SUPT3H: variants seen among roughly 807,000 people sequenced by gnomAD.
The protein encoded by SUPT3H is transcription initiation protein SPT3 homolog.
A neutral mutation model predicts 44.3 loss-of-function variants in SUPT3H; 44 were observed. The observed-to-expected ratio is 0.99, with a 90% CI of 0.78 to 1.28. The LOEUF is 1.28. SUPT3H is among the 50% of genes most tolerant of loss of function. The probability of loss-of-function intolerance (pLI) is 0.00; values close to 1 mark genes in which losing one functional copy is unlikely to be tolerated. For missense variants in SUPT3H, 380 were observed against 387.1 expected, an observed-to-expected ratio of 0.98 and a Z score of 0.15; for synonymous variants, 124 against 125.6, an observed-to-expected ratio of 0.99 and a Z score of 0.09.
chr6:45,031,399 T>C (rs1411202722), intron 3 of SUPT3H, among the ~76,000 whole-genome samples: 1 of 152,188 alleles, frequency 6.6e-6, no homozygotes, highest in Non-Finnish European at 1.5e-5. Flanking sequence ...TGTCTGTACA[T>C]CACTAGAATC....
intron 3 of SUPT3H, among the ~76,000 whole-genome samples, chr6:45,045,298 A>C (rs1789206982): frequency 6.6e-6 from 1 of 152,162 alleles, no homozygotes; most frequent in Admixed American, 6.5e-5. Flanking sequence ...CTTCCTCCTC[A>C]GGAACTTCAT....
chr6:44,977,553 C>G (rs1283449978), intron 6 of SUPT3H, among the ~76,000 whole-genome samples: 1 of 152,014 alleles, frequency 6.6e-6, no homozygotes, highest in Non-Finnish European at 1.5e-5. Flanking sequence ...ACCTTGCCAC[C>G]CTACATGCAT....
intron 2 of SUPT3H, among the ~76,000 whole-genome samples, chr6:45,161,365 T>C (rs1808935264): frequency 1.3e-5 from 2 of 152,132 alleles, no homozygotes; most frequent in South Asian, 2.1e-4. Context: ...ACAGCCACAT[T>C]ATAAACTTTC....
At chr6:44,852,480 C>T (rs1773050189) in intron 10 of SUPT3H, among the ~76,000 whole-genome samples, 1 of 152,082 alleles carries the variant, frequency 6.6e-6, no homozygotes, top group Non-Finnish European at 1.5e-5. Context: ...GGTTCTAAGG[C>T]TATTGAAGGA....
At chr6:45,242,228 T>G (rs1257519971) in intron 2 of SUPT3H, among the ~76,000 whole-genome samples, 1 of 152,168 alleles carries the variant, frequency 6.6e-6, no homozygotes, top group Non-Finnish European at 1.5e-5. Flanking sequence ...GCCTTTCGTG[T>G]GTAGGTACTT....
At chr6:45,161,054 C>G (rs577525691) in intron 2 of SUPT3H, among the ~76,000 whole-genome samples, 5 of 152,138 alleles carry the variant, frequency 3.3e-5, no homozygotes, top group African/African-American at 9.6e-5. Context: ...CCCCAACACT[C>G]TCTCTTGCTT....
At chr6:44,980,494 C>T (rs950451312) in intron 6 of SUPT3H, among the ~76,000 whole-genome samples, 1 of 152,132 alleles carries the variant, frequency 6.6e-6, no homozygotes, top group Non-Finnish European at 1.5e-5. Flanking sequence ...ACAACTCAGT[C>T]GTGTGACCAA....
At chr6:44,936,565 C>T (rs138462704) in intron 9 of SUPT3H, among the ~76,000 whole-genome samples, 1 of 152,270 alleles carries the variant, frequency 6.6e-6, no homozygotes, top group East Asian at 1.9e-4. Flanking sequence ...ATTTAGCTCT[C>T]ACTTATAAGT....
intron 10 of SUPT3H, among the ~76,000 whole-genome samples, chr6:44,841,165 C>A (rs970984168): frequency 6.6e-6 from 1 of 152,102 alleles, no homozygotes; most frequent in African/African-American, 2.4e-5. Context: ...ATTACCTAGT[C>A]TCAGGTATTT....
intron 2 of SUPT3H, among the ~76,000 whole-genome samples, chr6:45,144,106 C>T (rs1270931443): frequency 6.6e-6 from 1 of 152,098 alleles, no homozygotes; most frequent in African/African-American, 2.4e-5. Flanking sequence ...CAGCTGAATT[C>T]TATCAGCCAT....
chr6:45,196,361 T>G (rs189346462), intron 2 of SUPT3H, among the ~76,000 whole-genome samples: 59 of 152,160 alleles, frequency 3.9e-4, no homozygotes, highest in Non-Finnish European at 1.5e-4. Flanking sequence ...GCTTCAGCAC[T>G]TTTTAAAGGA....
intron 11 of SUPT3H, among the ~76,000 whole-genome samples, chr6:44,818,057 T>C (rs560363663): frequency 6.6e-6 from 1 of 152,236 alleles, no homozygotes; most frequent in East Asian, 1.9e-4. Flanking sequence ...CATGACTTAG[T>C]ATAGAAGTCA....
chr6:45,287,737 C>T (rs1779555781), intron 2 of SUPT3H, among the ~76,000 whole-genome samples: 1 of 152,184 alleles, frequency 6.6e-6, no homozygotes. Flanking sequence ...GAACTCTACA[C>T]TTAAAAATAG....
chr6:45,335,662 C>T (rs1372017430), intron 2 of SUPT3H, among the ~76,000 whole-genome samples: 3 of 151,230 alleles, frequency 2.0e-5, no homozygotes, highest in East Asian at 3.9e-4. Flanking sequence ...TTCCATAAAG[C>T]TGATACCTGT....
intron 3 of SUPT3H, among the ~76,000 whole-genome samples, chr6:45,096,463 G>C (rs938578784): frequency 6.6e-6 from 1 of 152,080 alleles, no homozygotes; most frequent in Non-Finnish European, 1.5e-5. Flanking sequence ...TCAGGCCTAA[G>C]CTATCCACAA....
At chr6:45,023,984 A>G (rs528619889) in intron 3 of SUPT3H, among the ~76,000 whole-genome samples, 1 of 152,314 alleles carries the variant, frequency 6.6e-6, no homozygotes, top group South Asian at 2.1e-4. Flanking sequence ...ATTAAACTTA[A>G]AATTGGTGCA....
At chr6:45,198,310 GA>G (rs200795837) in intron 2 of SUPT3H, among the ~76,000 whole-genome samples, 3,318 of 150,718 alleles carry the variant, frequency 0.022, 43 homozygotes, top group Middle Eastern at 0.041. Flanking sequence ...AACAGCAGCA[GA>G]AAAAAAAGGT....
chr6:45,247,051 C>T (rs1175561736), intron 2 of SUPT3H, among the ~76,000 whole-genome samples: 1 of 151,886 alleles, frequency 6.6e-6, no homozygotes, highest in African/African-American at 2.4e-5. Flanking sequence ...TCCAGCCAGT[C>T]CAAGCACAAA....
rs4631279 is a variant in SUPT3H, at chr6:44,905,055, A to G, written c.912+27598T>C. On this transcript the variant is annotated intron_variant, in intron 10 of 10. Coordinates refer to ENST00000371459, the MANE Select transcript of SUPT3H (RefSeq NM_003599.4). ...TAAAGACTTAAACGTTAGACCTAAA[A>G]CCATAAAAACCCTAGAAGAAAACCT... is the stretch of plus-strand genomic sequence containing the variant. Among the ~76,000 whole-genome samples the G allele has an allele frequency of 2.6e-5, 4 of 152,210 alleles. No individual in the cohort carries two copies. The South Asian group carries it at 8.3e-4, about 32-fold the overall frequency.
Sources: gnomAD v4.1 joint callset for allele counts (sites outside exome capture counted in the v4.1 genomes callset) on GRCh38, gnomAD v4.1.1 for gene constraint, MANE v1.5 for transcripts, NCBI Gene and HGNC (gene_info 2026-07-23, HGNC 2026-07-21) for gene names.